Variants in MLIP observed in about 807,000 individuals in gnomAD.
MLIP encodes muscular LMNA interacting protein.
In MLIP, 79 loss-of-function variants were observed where a neutral mutation model predicts 84.8. The observed-to-expected ratio is 0.93, with a 90% CI of 0.78 to 1.12. MLIP has a LOEUF of 1.12. MLIP is among the 50% of genes most tolerant of loss of function. MLIP has a pLI of 0.00. For missense variants in MLIP, 1,257 were observed against 1,160.6 expected (o/e 1.08, Z -1.21); for synonymous variants, 504 against 463.0 (o/e 1.09, Z -1.14).
At chr6:54,050,572 G>A (rs561264835) in intron 1 of MLIP, among the ~76,000 whole-genome samples, 22 of 152,088 alleles carry the variant, frequency 1.4e-4, no homozygotes, top group Non-Finnish European at 2.6e-4. Context: ...CATTTAGATT[G>A]TTTATAATTT....
chr6:54,239,832 A>G lies in MLIP; in HGVS notation c.2922+8915A>G, dbSNP rs117909058. Among the ~76,000 whole-genome samples the G allele has an allele frequency of 7.5e-3, 1,135 of 152,154 alleles. 33 individuals carry two copies. Among genetic ancestry groups the G allele is most frequent in the East Asian group, 0.066 (343 of 5,188 alleles). On this transcript the variant is annotated intron_variant, in intron 12 of 13. Transcript: ENST00000502396. ...AAATAAAATAAAATAAAGTGTTTTG[A>G]AAATAAATATTTATGTCTACCACTA...
chr6:54,139,513 C>T (rs868113069), intron 4 of MLIP, among the ~76,000 whole-genome samples: 5 of 152,120 alleles, frequency 3.3e-5, no homozygotes, highest in South Asian at 4.1e-4. Context: ...AGACATAAGA[C>T]GATTAGCCTT....
intron 1 of MLIP, among the ~76,000 whole-genome samples, chr6:54,019,311 TA>T (rs1179864357): frequency 6.6e-6 from 1 of 152,202 alleles, no homozygotes; most frequent in African/African-American, 2.4e-5. Context: ...TTGATTTAGT[TA>T]AATGATGTGG....
upstream of MLIP, chr6:54,111,413 T>C: frequency 2.0e-6 from 3 of 1,529,950 alleles, no homozygotes; most frequent in Non-Finnish European, 2.6e-6. Context: ...GTGTGTGTGT[T>C]GTTTTAGTAT....
Position 54,239,368 on chromosome 6 carries a change from A to C in MLIP, c.2922+8451A>C, listed in dbSNP as rs9395918. Among the ~76,000 whole-genome samples the C allele has an allele frequency of 1.2e-4, 17 of 141,750 alleles. No homozygotes were observed. In the East Asian group the frequency reaches 1.8e-3, roughly 15 times the overall value. The allele number at this position is 141,750 out of a possible 152,430, so 93.0% of individuals were successfully genotyped here. ...TGGGCCATTTAAACATATATATATA[A>C]TATATATATATATAATATATATATA... On this transcript the variant is annotated intron_variant, in intron 12 of 13. Transcript: ENST00000502396.
At chr6:54,075,944 G>C (rs1036481201) in intron 1 of MLIP, among the ~76,000 whole-genome samples, 3 of 152,152 alleles carry the variant, frequency 2.0e-5, no homozygotes, top group African/African-American at 7.2e-5. Context: ...GAATATGTAT[G>C]TTTCATCATT....
At chr6:54,187,942 G>A (rs1582442852) in intron 9 of MLIP, among the ~76,000 whole-genome samples, 1 of 152,200 alleles carries the variant, frequency 6.6e-6, no homozygotes, top group Non-Finnish European at 1.5e-5. Context: ...GGGAGGCAGA[G>A]GTTGCAGTGA....
intron 11 of MLIP, among the ~76,000 whole-genome samples, chr6:54,220,670 T>C (rs1344055981): frequency 6.6e-6 from 1 of 152,134 alleles, no homozygotes; most frequent in African/African-American, 2.4e-5. Flanking sequence ...ATAACATTTG[T>C]TTTCTAAATA....
At chr6:54,096,802 T>C (rs1720472742) in intron 1 of MLIP, among the ~76,000 whole-genome samples, 1 of 152,192 alleles carries the variant, frequency 6.6e-6, no homozygotes, top group Admixed American at 6.5e-5. Flanking sequence ...TATTAATGAT[T>C]TTGCAAACAA....
chr6:54,240,890 C>T (rs1272029998), intron 12 of MLIP, among the ~76,000 whole-genome samples: 2 of 152,054 alleles, frequency 1.3e-5, no homozygotes, highest in East Asian at 1.9e-4. Context: ...GCGGGAGAAT[C>T]GCTTGAACCC....
intron 1 of MLIP, among the ~76,000 whole-genome samples, chr6:54,021,621 C>T (rs1386336033): frequency 6.6e-6 from 1 of 152,120 alleles, no homozygotes; most frequent in African/African-American, 2.4e-5. Flanking sequence ...CTTATCTTAC[C>T]CTGGGTGAGT....
intron 10 of MLIP, among the ~76,000 whole-genome samples, chr6:54,191,017 G>C (rs1330983111): frequency 6.6e-6 from 1 of 151,780 alleles, no homozygotes; most frequent in Non-Finnish European, 1.5e-5. Context: ...GGATGGTCTC[G>C]ATCTCCTGAC....
chr6:54,067,921 G>A (rs1369445661), intron 1 of MLIP, among the ~76,000 whole-genome samples: 1 of 99,724 alleles, frequency 1.0e-5, no homozygotes, highest in African/African-American at 2.6e-5. Context: ...CCAAGCTAGG[G>A]ATGCACAAGC....
chr6:54,263,045 C>T (rs1783485556), intron 13 of MLIP, among the ~76,000 whole-genome samples: 1 of 151,938 alleles, frequency 6.6e-6, no homozygotes, highest in African/African-American at 2.4e-5. Flanking sequence ...GTCATCTCAA[C>T]AGATTAAAGT....
At chr6:54,188,604 CT>C (rs1777622246) in intron 9 of MLIP, among the ~76,000 whole-genome samples, 1 of 152,102 alleles carries the variant, frequency 6.6e-6, no homozygotes, top group African/African-American at 2.4e-5. Context: ...TATGGGACCC[CT>C]GTCATACATG....
upstream of MLIP, among the ~76,000 whole-genome samples, chr6:54,109,812 A>C (rs1392823828): frequency 1.3e-5 from 2 of 152,054 alleles, no homozygotes; most frequent in Admixed American, 1.3e-4. Context: ...TCAGATCTCC[A>C]CACTTAGAAA....
intron 10 of MLIP, among the ~76,000 whole-genome samples, chr6:54,199,731 T>G (rs1159811153): frequency 6.6e-6 from 1 of 152,094 alleles, no homozygotes; most frequent in Admixed American, 6.6e-5. Context: ...CTATGTGTAG[T>G]CGTCTTTTGC....
rs970893888 is a variant in MLIP, at chr6:54,024,724, C to T, written c.63+5633C>T. On this transcript the variant is annotated intron_variant, in intron 1 of 12. Transcript: ENST00000274897. ...TTCTAAGTGTACAAACCATTGACAC[C>T]TCAGTTTCTCACATGGACCTGTGGT... is the stretch of plus-strand genomic sequence containing the variant. Among the ~76,000 whole-genome samples the T allele has an allele frequency of 2.6e-5, 4 of 152,106 alleles. 1 individual carries two copies. The highest frequency in any genetic ancestry group is 9.7e-5 in the African/African-American group (4 of 41,404).
intron 10 of MLIP, among the ~76,000 whole-genome samples, chr6:54,198,590 T>A (rs1294148961): frequency 6.6e-6 from 1 of 152,056 alleles, no homozygotes; most frequent in African/African-American, 2.4e-5. Context: ...GTCGGAAAGG[T>A]AAGTAATAAA....
Sources: allele counts gnomAD v4.1 joint callset (sites outside exome capture counted in the v4.1 genomes callset), GRCh38; gene constraint gnomAD v4.1.1; transcripts MANE v1.5; gene names NCBI Gene and HGNC (gene_info 2026-07-23, HGNC 2026-07-21).